STPG2: variants seen among roughly 807,000 people sequenced by gnomAD.
The protein encoded by STPG2 is sperm-tail PG-rich repeat-containing protein 2.
A neutral mutation model predicts 54.2 loss-of-function variants in STPG2; 56 were observed. That is an observed-to-expected ratio of 1.03 (90% CI 0.83 to 1.29). The LOEUF (loss-of-function observed/expected upper bound fraction) is 1.29. STPG2 is among the 50% of genes most tolerant of loss of function. The probability of loss-of-function intolerance (pLI) is 0.00; values close to 1 mark genes in which losing one functional copy is unlikely to be tolerated. For synonymous variants in STPG2, 200 were observed against 181.8 expected (o/e 1.10, Z -0.81); for missense variants, 596 against 544.9 (o/e 1.09, Z -0.93).
intron 5 of STPG2, among the ~76,000 whole-genome samples, chr4:98,097,338 C>T (rs1738891111): frequency 6.6e-6 from 1 of 152,226 alleles, no homozygotes; most frequent in African/African-American, 2.4e-5. Context: ...CAAATCAATG[C>T]ATGTGATACC....
At chr4:98,057,698 G>A (rs1228867414) in intron 5 of STPG2, among the ~76,000 whole-genome samples, 3 of 152,098 alleles carry the variant, frequency 2.0e-5, no homozygotes, top group African/African-American at 7.2e-5. Flanking sequence ...TTTAGGAAAT[G>A]CAGAGAACCC....
chr4:97,912,334 G>A (rs941072312), intron 8 of STPG2, among the ~76,000 whole-genome samples: 1 of 152,198 alleles, frequency 6.6e-6, no homozygotes, highest in African/African-American at 2.4e-5. Flanking sequence ...TGAATTGAAA[G>A]AAGTAGACTT....
intron 9 of STPG2, among the ~76,000 whole-genome samples, chr4:97,759,136 G>A (rs1277347685): frequency 6.6e-6 from 1 of 152,108 alleles, no homozygotes; most frequent in East Asian, 1.9e-4. Context: ...TTTTATAGAG[G>A]CAGGCAAACA....
rs189248157 is a variant in STPG2 at position 97,616,445 on chromosome 4, C to G, written c.1321-57328G>C. ...GTAGCACTAGAACTGTAACTATTCACAACAGATTTTGAAAAATAACATGAT... is the reference window on the plus strand; with the variant it reads ...GTAGCACTAGAACTGTAACTATTCAGAACAGATTTTGAAAAATAACATGAT... On this transcript the variant is annotated intron_variant, in intron 10 of 10. Coordinates refer to ENST00000295268, the MANE Select transcript of STPG2 (RefSeq NM_174952.3). 9.9e-5 allele frequency among the ~76,000 whole-genome samples: 15 copies of G among 152,044 alleles called. No individual in the cohort carries two copies. In the East Asian group the frequency reaches 2.1e-3, roughly 22 times the overall value.
intron 3 of STPG2, among the ~76,000 whole-genome samples, chr4:98,116,498 G>T (rs1242745679): frequency 6.6e-6 from 1 of 151,860 alleles, no homozygotes; most frequent in African/African-American, 2.4e-5. Flanking sequence ...AGGAAGTCTG[G>T]CTCCATTACA....
chr4:97,947,211 G>C (rs964233638), intron 7 of STPG2, among the ~76,000 whole-genome samples: 2 of 152,040 alleles, frequency 1.3e-5, no homozygotes, highest in Non-Finnish European at 2.9e-5. Flanking sequence ...CAGTGTTACT[G>C]ATTTGCGTAC....
At chr4:97,844,173 T>C (rs1052903326) in intron 8 of STPG2, among the ~76,000 whole-genome samples, 1 of 151,952 alleles carries the variant, frequency 6.6e-6, no homozygotes, top group Non-Finnish European at 1.5e-5. Context: ...AAATTTCGTA[T>C]ACTCTCTGAT....
At chr4:98,103,478 CTAAAA>C (rs1739103522) in intron 5 of STPG2, among the ~76,000 whole-genome samples, 1 of 151,708 alleles carries the variant, frequency 6.6e-6, no homozygotes, top group Admixed American at 6.6e-5. Flanking sequence ...CCTGTCTCTA[CTAAAA>C]ATACAAAATT....
chr4:97,529,750 T>C (rs1731371184), intron 4 of STPG2, among the ~76,000 whole-genome samples: 1 of 152,156 alleles, frequency 6.6e-6, no homozygotes, highest in African/African-American at 2.4e-5. Flanking sequence ...TTCTTCTAGA[T>C]TTTCTAGTTT....
intron 8 of STPG2, among the ~76,000 whole-genome samples, chr4:97,932,794 C>T (rs1243423350): frequency 1.3e-5 from 2 of 152,082 alleles, no homozygotes; most frequent in Non-Finnish European, 2.9e-5. Context: ...GATTCCATGT[C>T]TTTGCTATTG....
intron 9 of STPG2, among the ~76,000 whole-genome samples, chr4:97,781,868 G>C (rs1181551691): frequency 6.6e-6 from 1 of 152,138 alleles, no homozygotes; most frequent in Non-Finnish European, 1.5e-5. Context: ...AGAGGCCTTT[G>C]ACAAAATTCA....
intron 9 of STPG2, among the ~76,000 whole-genome samples, chr4:97,720,430 T>C (rs1418130621): frequency 1.3e-5 from 2 of 152,032 alleles, no homozygotes; most frequent in East Asian, 1.9e-4. Context: ...CTTCACTTTA[T>C]GGTTTTAACA....
At chr4:98,139,172 T>A (rs1034781915) in intron 1 of STPG2, among the ~76,000 whole-genome samples, 5 of 152,156 alleles carry the variant, frequency 3.3e-5, no homozygotes, top group Admixed American at 6.5e-5. Context: ...TCCCTTCAGG[T>A]TGAAATTCCT....
chr4:97,869,668 C>A (rs1295065127), intron 8 of STPG2, among the ~76,000 whole-genome samples: 1 of 151,550 alleles, frequency 6.6e-6, no homozygotes, highest in Non-Finnish European at 1.5e-5. Flanking sequence ...GTCAACCAGA[C>A]CCTGCCACTT....
At chr4:97,529,161 A>G (rs1731356730) in intron 4 of STPG2, among the ~76,000 whole-genome samples, 1 of 152,180 alleles carries the variant, frequency 6.6e-6, no homozygotes, top group Admixed American at 6.5e-5. Flanking sequence ...CATTCCATCA[A>G]TACCTAGTTT....
At chr4:97,780,422 T>A (rs1726560449) in intron 9 of STPG2, among the ~76,000 whole-genome samples, 1 of 26,850 alleles carries the variant, frequency 3.7e-5, no homozygotes, top group Non-Finnish European at 7.3e-5. Context: ...AGCACCCAGG[T>A]TCATAAAGCA....
Position 97,752,537 on chromosome 4 carries a change from C to T in STPG2, c.1205-39723G>A, listed in dbSNP as rs111495970. Among the ~76,000 whole-genome samples the T allele has an allele frequency of 5.7e-3, 862 of 151,866 alleles. 5 individuals are homozygous for T. Among genetic ancestry groups the T allele is most frequent in the Middle Eastern group, 0.02 (6 of 294 alleles). ...TTGAACGTATCATATCACCTCTCTG[C>T]TTTAGCACACAGGCACCCAACTGCA... On this transcript the variant is annotated intron_variant, in intron 9 of 10. Coordinates refer to ENST00000295268, the MANE Select transcript of STPG2 (RefSeq NM_174952.3).
At chr4:97,916,666 A>G (rs1731890087) in intron 8 of STPG2, 1 of 152,786 alleles carries the variant, frequency 6.5e-6, no homozygotes, top group Admixed American at 6.6e-5. Context: ...AGCCTCCAGG[A>G]AGACGTCTCC....
chr4:97,476,670 T>C (rs1047991764), intron 4 of STPG2, among the ~76,000 whole-genome samples: 2 of 152,202 alleles, frequency 1.3e-5, no homozygotes, highest in African/African-American at 4.8e-5. Flanking sequence ...CTTTAAATTG[T>C]TTTAATGTGC....
Sources: allele counts gnomAD v4.1 joint callset (sites outside exome capture counted in the v4.1 genomes callset), GRCh38; gene constraint gnomAD v4.1.1; transcripts MANE v1.5; gene names NCBI Gene and HGNC (gene_info 2026-07-23, HGNC 2026-07-21).